The following STAT6 variants were observed in gnomAD, a reference collection of about 807,000 sequenced individuals.
STAT6 encodes STAT, interleukin4-induced.
A neutral mutation model predicts 106.3 loss-of-function variants in STAT6; 45 were observed. The ratio of observed to expected loss-of-function variants is 0.42; its 90% confidence interval spans 0.33 to 0.54. The LOEUF (loss-of-function observed/expected upper bound fraction) is 0.54. Among genes scored for constraint, STAT6 ranks in the 20% least tolerant of loss-of-function variants. STAT6 has a pLI of 0.06. For synonymous variants in STAT6, 413 were observed against 413.6 expected (o/e 1.00, Z 0.02); for missense variants, 797 against 1,062.2 (o/e 0.75, Z 3.47).
chr12:57,105,992 G>C (rs2034250343), intron 7 of STAT6, 199 bp downstream of exon 7: 1 of 854,190 alleles, frequency 1.2e-6, no homozygotes, highest in Admixed American at 2.9e-5. Flanking sequence ...GTCCCCGCTT[G>C]TGCCCCTCCA....
In STAT6 at chr12:57,105,234, G is replaced by T. The variant is rs978295929; in HGVS notation, c.918C>A (p.Ala306=). 1 of 1,614,104 alleles carries T rather than the reference G, an allele frequency of 6.2e-7. No homozygotes were observed. The highest frequency in any genetic ancestry group is 8.5e-7 in the Non-Finnish European group (1 of 1,179,998). The change falls in exon 9 of 22, where the codon GCC becomes GCA. Residue 306 remains alanine, a synonymous_variant. Transcript: ENST00000300134. ...TGTCGGCCCTGACCAGCGGAGGCTT[G>T]GCTGGGGCCCCCAGGAACCTCAAGC... The part of the protein sequence containing the change: ...LLGLRFLGAP[A]KPPLVRADMV...
rs548322027 is a variant in STAT6, at chr12:57,105,927, A to G, written c.680+264T>C. On this transcript the variant is annotated intron_variant, in intron 7 of 21. Coordinates refer to ENST00000300134, the MANE Select transcript of STAT6 (RefSeq NM_003153.5). Reference sequence around the variant, plus strand: ...TCCCACCCAATAAACCAAATGGAAAAGCCCTCCTATTCCTCTAGGCATGGG... The same window carrying G: ...TCCCACCCAATAAACCAAATGGAAAGGCCCTCCTATTCCTCTAGGCATGGG... 2.8e-5 allele frequency: 18 copies of G among 642,886 alleles called. No individual in the cohort carries two copies. In the South Asian group the frequency reaches 3.9e-4, roughly 14 times the overall value. The allele number at this position is 642,886 out of a possible 1,614,324, so 39.8% of individuals were successfully genotyped here.
Position 57,096,439 on chromosome 12 carries a change from C to T in STAT6, c.*133G>A. On this transcript the variant is annotated 3_prime_UTR_variant, in exon 22 of 22. Transcript: ENST00000300134. ...GCATTCTCCTGTTAGTCTTTTCCTC[C>T]TGACCCAGGAGTAGGTGGGGATAGG... 2 of 823,090 alleles carry T rather than the reference C, an allele frequency of 2.4e-6. No individual in the cohort carries two copies. The highest frequency in any genetic ancestry group is 3.8e-6 in the Non-Finnish European group (2 of 520,282). The allele number at this position is 823,090 out of a possible 1,614,324, so 51.0% of individuals were successfully genotyped here.
Position 57,108,319 on chromosome 12 carries a change from C to A in STAT6, c.-21-20G>T, listed in dbSNP as rs373529724. 3 of 1,340,276 alleles carry A rather than the reference C, an allele frequency of 2.2e-6. No homozygotes were observed. Among genetic ancestry groups the A allele is most frequent in the Non-Finnish European group, 3.2e-6 (3 of 948,298 alleles). The allele number at this position is 1,340,276 out of a possible 1,614,324, so 83.0% of individuals were successfully genotyped here. A position where few individuals can be genotyped will look rare whatever the true frequency, so the allele number is the denominator to read the frequency against. ...GGTTGCCTGGAGGAGAAAAATAAGG[C>A]CACTCTGAGGGGTGCCCAAGAAACT... On this transcript the variant is annotated intron_variant, in intron 1 of 21. Coordinates refer to ENST00000300134, the MANE Select transcript of STAT6 (RefSeq NM_003153.5).
rs1292308419 is a variant in STAT6 at position 57,098,922 on chromosome 12, A to G, written c.1956-20T>C. ...TGGTCCCTGGAGGAGGGAAGGAGGT[A>G]CATGTGACTGACCAAGGGTTGATGC... is the stretch of plus-strand genomic sequence containing the variant. On this transcript the variant is annotated intron_variant, in intron 17 of 21. Transcript: ENST00000300134. 1.2e-6 allele frequency: 2 copies of G among 1,613,132 alleles called. No homozygotes were observed.
At chr12:57,100,748 AAAG>A (rs1172535417) in intron 13 of STAT6, 2 of 268,922 alleles carry the variant, frequency 7.4e-6, no homozygotes, top group African/African-American at 4.7e-5. Flanking sequence ...GAAAGAAAGA[AAAG>A]AAAAAAAAAC....
chr12:57,099,308 C>T lies in STAT6; in HGVS notation c.1877G>A (p.Arg626Gln), dbSNP rs751205671. Residue 626 changes from arginine to glutamine, a missense_variant, in exon 16 of 22, where the codon CGG becomes CAG. Physicochemically the swap from Arg to Gln is conservative, Grantham distance 43 (BLOSUM62 1). This residue lies in a region of STAT6 where 222 missense variants were observed against 354.6 expected (regional missense o/e 0.63). Coordinates refer to ENST00000300134, the MANE Select transcript of STAT6 (RefSeq NM_003153.5). The surrounding 1 kb of genome is among the most constrained non-coding windows in gnomAD (Gnocchi z 4.7). ...TTCCAGCTCACGCTTGTAGTGGCTC[C>T]GGAAAGCCTCATCCTTGGGCTTCTT... Reference protein sequence around the residue: ...YPKKPKDEAFRSHYKPEQMGK... With the variant: ...YPKKPKDEAFQSHYKPEQMGK... 7 of 1,614,092 alleles carry T rather than the reference C, an allele frequency of 4.3e-6. No individual in the cohort carries two copies. The highest frequency in any genetic ancestry group is 1.7e-5 in the Admixed American group (1 of 60,020).
In STAT6 at chr12:57,099,896, T is replaced by C. The variant is rs2033706979; in HGVS notation, c.1615A>G (p.Ile539Val). ...ACGTACTGTTTGCTGATGAAGCCAA[T>C]GATCAGCCTGGCCGGGATGAAGGAG... The part of the protein sequence containing the change: ...LRSYWSDRLI[I>V]GFISKQYVTS... The change falls in exon 15 of 22, where the codon ATT (isoleucine) becomes GTT (valine). Residue 539 changes from isoleucine (I) to valine (V), a missense_variant. By Grantham distance (29) the Ile-to-Val change is conservative (BLOSUM62 3). Coordinates refer to ENST00000300134, the MANE Select transcript of STAT6 (RefSeq NM_003153.5). The surrounding 1 kb of genome is among the most constrained non-coding windows in gnomAD (Gnocchi z 4.7). 6.2e-7 allele frequency: 1 copy of C among 1,614,100 alleles called. No homozygotes were observed. The highest frequency in any genetic ancestry group is 1.3e-5 in the African/African-American group (1 of 74,940).
chr12:57,103,092 C>A (rs1475184967), intron 11 of STAT6, 171 bp from the exon 12 acceptor site: 1 of 521,384 alleles, frequency 1.9e-6, no homozygotes, highest in Non-Finnish European at 3.3e-6. Flanking sequence ...GCCTTCAGGG[C>A]TCAAGTGATC....
intron 1 of STAT6, among the ~76,000 whole-genome samples, 177 bp downstream of exon 1, chr12:57,110,952 A>AAAAC (rs2034546711): frequency 6.6e-6 from 1 of 152,024 alleles, no homozygotes; most frequent in Non-Finnish European, 1.5e-5. Flanking sequence ...ACCCTCCCAG[A>AAAAC]TTCCTCCAGG....
rs2033426463 is a variant in STAT6, at chr12:57,096,393, T to A, written c.*179A>T. 1.6e-6 allele frequency: 1 copy of A among 608,332 alleles called. No individual in the cohort carries two copies. Among genetic ancestry groups the A allele is most frequent in the Middle Eastern group, 4.3e-4 (1 of 2,306 alleles). The allele number at this position is 608,332 out of a possible 1,614,324, so 37.7% of individuals were successfully genotyped here. A position where few individuals can be genotyped will look rare whatever the true frequency, so the allele number is the denominator to read the frequency against. ...CAGGGGAATGATAGAAAGGAAGGAG[T>A]GGATTGGCTCCACCCACTGTGCATT... On this transcript the variant is annotated 3_prime_UTR_variant, in exon 22 of 22. Coordinates refer to ENST00000300134, the MANE Select transcript of STAT6 (RefSeq NM_003153.5).
chr12:57,102,090 G>A (rs2033967881), intron 13 of STAT6, among the ~76,000 whole-genome samples, 200 bp downstream of exon 13: 1 of 152,170 alleles, frequency 6.6e-6, no homozygotes, highest in Non-Finnish European at 1.5e-5. Context: ...AAACCTCAGG[G>A]ATGTCAGAGA....
rs923967360 is a variant in STAT6, at chr12:57,098,776, C to A, written c.2066+16G>T. ...CTGCACAGACCACTCCCATTCCTGTCTTTCCAGCTCCTTACACCATATCTG... is the reference window on the plus strand; with the variant it reads ...CTGCACAGACCACTCCCATTCCTGTATTTCCAGCTCCTTACACCATATCTG... On this transcript the variant is annotated intron_variant, in intron 18 of 21. Transcript: ENST00000300134. The A allele has an allele frequency of 6.2e-6, 10 of 1,611,592 alleles. No homozygotes were observed. Among genetic ancestry groups the A allele is most frequent in the Non-Finnish European group, 7.6e-6 (9 of 1,178,278 alleles).
intron 12 of STAT6, 45 bp from the exon 13 acceptor site, chr12:57,102,541 G>T (rs1436117808): frequency 3.8e-6 from 6 of 1,593,874 alleles, no homozygotes; most frequent in Non-Finnish European, 5.1e-6. Flanking sequence ...CTACCGTCTT[G>T]TTATTCCTCG....
In STAT6 at chr12:57,103,225, C is replaced by T. The variant is rs143197837; in HGVS notation, c.1213-304G>A. 1.4e-3 allele frequency: 281 copies of T among 204,894 alleles called. 1 individual carries two copies. The highest frequency in any genetic ancestry group is 6.1e-3 in the African/African-American group (260 of 42,432). 12.7% of individuals were successfully genotyped at this position (204,894 alleles called of 1,614,324 possible). A position where few individuals can be genotyped will look rare whatever the true frequency, so the allele number is the denominator to read the frequency against. On this transcript the variant is annotated intron_variant, in intron 11 of 21. Transcript: ENST00000300134. ...TGTCACTCAGGCTGGAGTGCAGTGG[C>T]GCGATCTTGGCTCACTGCAAGCTCT... is the stretch of plus-strand genomic sequence containing the variant.
Position 57,096,878 on chromosome 12 carries a change from G to T in STAT6, c.2326C>A (p.Pro776Thr), listed in dbSNP as rs753111770. The change falls in exon 21 of 22, where the codon CCA (proline) becomes ACA (threonine). Residue 776 changes from proline to threonine, a missense_variant. Physicochemically the swap from Pro to Thr is conservative, Grantham distance 38. Around this residue, in one of 4 missense-constraint regions of STAT6, gnomAD observed 226 missense variants for 236.7 expected, o/e 0.95. Transcript: ENST00000300134. ...TMVEDSCLSQ[P>T]VTAFPQGTWI... The stretch of plus-strand genomic sequence containing the variant: ...GTGCCCTGAGGAAACGCTGTCACTG[G>T]CTGGCTCAGGCAGCTGTCTTCCACC... The T allele has an allele frequency of 9.9e-6, 16 of 1,614,170 alleles. No individual in the cohort carries two copies. The highest frequency in any genetic ancestry group is 1.2e-5 in the Non-Finnish European group (14 of 1,180,038).
At chr12:57,100,696 GAAAGAGAAAGAA>G (rs1398029927) in intron 13 of STAT6, 712 of 48,708 alleles carry the variant, frequency 0.015, 3 homozygotes, top group African/African-American at 0.019. Context: ...AAGAAAGAAA[GAAAGAGAAAGAA>G]AGAAAGAAAG....
rs774984579 is a variant in STAT6, at chr12:57,096,855, G to C, written c.2349C>G (p.Gly783=). Residue 783 remains glycine, a synonymous_variant, in exon 21 of 22, where the codon GGC becomes GGG. Transcript: ENST00000300134. ...ACTCCCAAGCTGCCACTCACCAAGT[G>C]CCCTGAGGAAACGCTGTCACTGGCT... ...LSQPVTAFPQ[G]TWIGEDIFPP... 1 of 1,614,158 alleles carries C rather than the reference G, an allele frequency of 6.2e-7. No individual in the cohort carries two copies. Among genetic ancestry groups the C allele is most frequent in the Non-Finnish European group, 8.5e-7 (1 of 1,180,030 alleles).
chr12:57,105,860 A>G (rs1388251004), intron 7 of STAT6: 13 of 656,242 alleles, frequency 2.0e-5, no homozygotes, highest in South Asian at 4.2e-5. Flanking sequence ...ACCCAGGACA[A>G]CTGCCACCAC....
Sources: allele counts gnomAD v4.1 joint callset (sites outside exome capture counted in the v4.1 genomes callset), GRCh38; gene constraint gnomAD v4.1.1; regional missense constraint gnomAD v4.1.1; non-coding constraint Gnocchi (gnomAD v3.1); transcripts MANE v1.5; gene names NCBI Gene and HGNC (gene_info 2026-07-23, HGNC 2026-07-21).